Variants in CSMD1 observed in about 807,000 individuals in gnomAD.
The protein encoded by CSMD1 is CUB and Sushi multiple domains 1.
A neutral mutation model predicts 417.5 loss-of-function variants in CSMD1; 213 were observed. The observed-to-expected ratio is 0.51, with a 90% CI of 0.46 to 0.57. The LOEUF (loss-of-function observed/expected upper bound fraction) is 0.57, where lower values mean the gene tolerates loss of function less well. Ranked by LOEUF, CSMD1 falls within the 20% of genes least tolerant of loss-of-function variation. The pLI is 0.00. For missense variants in CSMD1, 6,923 were observed against 4,529.7 expected (o/e 1.53, Z -15.17); for synonymous variants, 2,862 against 1,736.8 (o/e 1.65, Z -16.11).
At chr8:3,238,019 C>T (rs1447024433) in intron 26 of CSMD1, among the ~76,000 whole-genome samples, 3 of 151,388 alleles carry the variant, frequency 2.0e-5, no homozygotes, top group African/African-American at 7.3e-5. Context: ...AAGAGACCAC[C>T]AAACAGGCTT....
At chr8:3,736,199 AT>A (rs1656720323) in intron 6 of CSMD1, among the ~76,000 whole-genome samples, 1 of 151,974 alleles carries the variant, frequency 6.6e-6, no homozygotes, top group Non-Finnish European at 1.5e-5. Context: ...TATTAACACA[AT>A]TTGATTCTCA....
At chr8:4,094,940 C>A (rs779461655) in intron 3 of CSMD1, among the ~76,000 whole-genome samples, 22 of 152,056 alleles carry the variant, frequency 1.4e-4, no homozygotes, top group Admixed American at 2.6e-4. Flanking sequence ...AGGTTTTGAA[C>A]TGGGAATGGG....
chr8:4,924,776 ATCAC>A (rs1291229520), intron 1 of CSMD1, among the ~76,000 whole-genome samples: 1 of 151,816 alleles, frequency 6.6e-6, no homozygotes, highest in African/African-American at 2.4e-5. Flanking sequence ...ACATTTTAAA[ATCAC>A]TCAAACTTTT....
chr8:3,746,945 G>A (rs558046836), intron 6 of CSMD1, among the ~76,000 whole-genome samples: 1 of 152,296 alleles, frequency 6.6e-6, no homozygotes, highest in East Asian at 1.9e-4. Flanking sequence ...GCCTGGAACA[G>A]GCCAGTCTGA....
intron 2 of CSMD1, among the ~76,000 whole-genome samples, chr8:4,450,247 C>T (rs921526861): frequency 1.4e-4 from 22 of 152,166 alleles, no homozygotes; most frequent in African/African-American, 5.1e-4. Flanking sequence ...AGCAAAGAGA[C>T]AGTGTCTGAT....
At chr8:4,591,243 C>G (rs938308801) in intron 2 of CSMD1, among the ~76,000 whole-genome samples, 1 of 152,192 alleles carries the variant, frequency 6.6e-6, no homozygotes, top group Non-Finnish European at 1.5e-5. Flanking sequence ...ATATGAAGAA[C>G]TCACAAACAC....
intron 4 of CSMD1, among the ~76,000 whole-genome samples, chr8:4,029,025 G>T (rs186910800): frequency 6.6e-6 from 1 of 152,122 alleles, no homozygotes; most frequent in Non-Finnish European, 1.5e-5. Flanking sequence ...TTGGGAGAGG[G>T]CACTAACTTA....
Position 3,035,690 on chromosome 8 carries a change from T to C in CSMD1, c.7661-6177A>G, listed in dbSNP as rs145133084. 6.5e-3 allele frequency among the ~76,000 whole-genome samples: 994 copies of C among 152,332 alleles called. 9 individuals are homozygous for C. The highest frequency in any genetic ancestry group is 0.014 in the Middle Eastern group (4 of 294). On this transcript the variant is annotated intron_variant, in intron 50 of 69. Transcript: ENST00000635120. The stretch of plus-strand genomic sequence containing the variant: ...GTAGCAAAAGAAAGTGTTTTGCTAA[T>C]ATAAACTTTATAAATCAATATTTTT...
At chr8:3,647,828 T>C (rs1585014897) in intron 7 of CSMD1, among the ~76,000 whole-genome samples, 1 of 152,268 alleles carries the variant, frequency 6.6e-6, no homozygotes, top group South Asian at 2.1e-4. Context: ...ATAATGTTGG[T>C]GAATCTGAGA....
At chr8:4,700,637 C>G (rs1272812792) in intron 1 of CSMD1, among the ~76,000 whole-genome samples, 1 of 151,936 alleles carries the variant, frequency 6.6e-6, no homozygotes, top group Non-Finnish European at 1.5e-5. Flanking sequence ...CAATCTATCA[C>G]AAAAAATGAA....
intron 1 of CSMD1, among the ~76,000 whole-genome samples, chr8:4,785,029 G>A (rs1287739062): frequency 6.6e-6 from 1 of 152,100 alleles, no homozygotes; most frequent in Admixed American, 6.6e-5. Context: ...ATCAGTTCTG[G>A]GCACTGAATT....
chr8:4,391,595 C>T (rs888062957), intron 3 of CSMD1, among the ~76,000 whole-genome samples: 1 of 151,930 alleles, frequency 6.6e-6, no homozygotes, highest in African/African-American at 2.4e-5. Flanking sequence ...ATTTTTGCCC[C>T]CGCTTTTGAC....
intron 5 of CSMD1, among the ~76,000 whole-genome samples, chr8:3,995,731 G>A (rs1815163760): frequency 6.6e-6 from 1 of 152,180 alleles, no homozygotes; most frequent in Non-Finnish European, 1.5e-5. Flanking sequence ...TTTGCGCCAA[G>A]CAAATAGGAC....
At chr8:4,333,344 G>C (rs548750067) in intron 3 of CSMD1, among the ~76,000 whole-genome samples, 3 of 152,084 alleles carry the variant, frequency 2.0e-5, no homozygotes, top group African/African-American at 4.8e-5. Context: ...GATACAGAAA[G>C]GGCGAGCGCA....
intron 3 of CSMD1, among the ~76,000 whole-genome samples, chr8:4,379,690 TGAAGCAACAATGGCG>T (rs2128917924): frequency 1.8e-5 from 1 of 56,982 alleles, no homozygotes; most frequent in East Asian, 7.9e-4. Flanking sequence ...AAGAGGGCAA[TGAAGCAACAATGGCG>T]GGAAGAGGGC....
intron 5 of CSMD1, among the ~76,000 whole-genome samples, chr8:3,767,253 A>T (rs2129057689): frequency 6.6e-6 from 1 of 152,312 alleles, no homozygotes; most frequent in Admixed American, 6.5e-5. Context: ...AGGCTCTTTT[A>T]TGAAAACCAG....
intron 3 of CSMD1, among the ~76,000 whole-genome samples, chr8:4,271,024 G>A (rs1334643612): frequency 6.6e-6 from 1 of 152,156 alleles, no homozygotes; most frequent in Non-Finnish European, 1.5e-5. Flanking sequence ...GGTCCTAGTG[G>A]GAAGAGAGTT....
chr8:4,378,502 C>G (rs7004716), intron 3 of CSMD1, among the ~76,000 whole-genome samples: 56,995 of 152,106 alleles, frequency 0.37, 11,866 homozygotes, highest in Non-Finnish European at 0.47. Flanking sequence ...CTCTCTCTCT[C>G]TCTTTCTCTC....
At chr8:4,125,548 T>G (rs894073521) in intron 3 of CSMD1, among the ~76,000 whole-genome samples, 1 of 152,214 alleles carries the variant, frequency 6.6e-6, no homozygotes, top group African/African-American at 2.4e-5. Context: ...GCCTCAACTT[T>G]GTTAAAAATA....
Sources: gnomAD v4.1 joint callset for allele counts (sites outside exome capture counted in the v4.1 genomes callset) on GRCh38, gnomAD v4.1.1 for gene constraint, MANE v1.5 for transcripts, NCBI Gene and HGNC (gene_info 2026-07-23, HGNC 2026-07-21) for gene names.